The following XG variants were observed in gnomAD, a reference collection of about 807,000 sequenced individuals.
XG encodes the protein glycoprotein Xg.
In XG, 24 loss-of-function variants were observed where a neutral mutation model predicts 25.7. That is an observed-to-expected ratio of 0.93 (90% confidence interval 0.68 to 1.31). XG has a LOEUF of 1.31. XG is among the 40% of genes most tolerant of loss of function. The pLI, the probability that XG is intolerant of heterozygous loss-of-function variation, is 0.00. For synonymous variants in XG, 77 were observed against 69.2 expected (o/e 1.11, Z -0.56); for missense variants, 181 against 187.6 (o/e 0.96, Z 0.21).
intron 4 of XG, among the ~76,000 whole-genome samples, chrX:2,785,342 T>A (rs920032988): frequency 8.9e-6 from 1 of 111,922 alleles, no homozygotes; most frequent in African/African-American, 3.3e-5. Context: ...CCTGTGAAGA[T>A]GAGCTGTTGG....
intron 1 of XG, among the ~76,000 whole-genome samples, chrX:2,760,043 C>T (rs1359246037): frequency 1.3e-5 from 2 of 151,936 alleles, no homozygotes; most frequent in Non-Finnish European, 2.9e-5. Flanking sequence ...CCCAGCTACT[C>T]GGGAGGCTGA....
chrX:2,792,690 G>A (rs1339569076), intron 5 of XG, among the ~76,000 whole-genome samples: 1 of 107,673 alleles, frequency 9.3e-6, no homozygotes, highest in African/African-American at 3.4e-5. Flanking sequence ...GTGAGCCACT[G>A]AGCCCAGCCC....
intron 1 of XG, among the ~76,000 whole-genome samples, chrX:2,760,286 T>C (rs941250242): frequency 1.3e-5 from 2 of 152,174 alleles, no homozygotes; most frequent in African/African-American, 4.8e-5. Flanking sequence ...TTATCTCCAC[T>C]GAACCAGGCT....
intron 1 of XG, among the ~76,000 whole-genome samples, chrX:2,760,203 T>A (rs2050532877): frequency 6.6e-6 from 1 of 150,432 alleles, no homozygotes; most frequent in African/African-American, 2.4e-5. Context: ...TAAGGAAGAG[T>A]ATTATTGAGA....
At chrX:2,759,556 C>T (rs1002092718) in intron 1 of XG, among the ~76,000 whole-genome samples, 1 of 152,168 alleles carries the variant, frequency 6.6e-6, no homozygotes, top group Non-Finnish European at 1.5e-5. Context: ...CTGAGCATTC[C>T]ATAGTTTCCT....
chrX:2,776,762 G>T (rs1039233770), intron 3 of XG, among the ~76,000 whole-genome samples: 15 of 152,096 alleles, frequency 9.9e-5, no homozygotes, highest in African/African-American at 3.4e-4. Context: ...GCAGGAGAAT[G>T]GCGTGAACCC....
rs187420157 is a variant in XG at position 2,782,735 on chromosome X, T to C, written c.190+607T>C. Among the ~76,000 whole-genome samples, 45 of 111,617 alleles carry C rather than the reference T, an allele frequency of 4.0e-4. No individual in the cohort carries two copies. The East Asian group carries it at 0.012, about 31-fold the overall frequency. ...ATATCTCAAGCACCGATCTTAGGTT[T>C]TACAATAGTGATGTTACCCCCAGGA... On this transcript the variant is annotated intron_variant, in intron 4 of 10. Transcript: ENST00000644266.
intron 1 of XG, among the ~76,000 whole-genome samples, chrX:2,761,929 G>A (rs1221053622): frequency 6.6e-6 from 1 of 152,196 alleles, no homozygotes; most frequent in Non-Finnish European, 1.5e-5. Flanking sequence ...ACTCTGGGAA[G>A]CCATTACCAA....
intron 10 of XG, among the ~76,000 whole-genome samples, chrX:2,813,549 C>T (rs2087077059): frequency 8.9e-6 from 1 of 112,107 alleles, no homozygotes; most frequent in African/African-American, 3.2e-5. Context: ...GTATACTAAC[C>T]ATATCCATGG....
chrX:2,786,561 C>T (rs764015412), intron 4 of XG, among the ~76,000 whole-genome samples: 30 of 110,257 alleles, frequency 2.7e-4, no homozygotes, highest in Non-Finnish European at 5.1e-4. Context: ...AGCCACTGTG[C>T]CTGTCCTCAT....
chrX:2,791,167 A>C (rs2086834555), intron 5 of XG, among the ~76,000 whole-genome samples: 1 of 110,471 alleles, frequency 9.1e-6, no homozygotes, highest in Non-Finnish European at 1.9e-5. Flanking sequence ...CCGCCTTGGC[A>C]ATTGTGTCTC....
intron 3 of XG, among the ~76,000 whole-genome samples, chrX:2,776,675 C>A (rs1284069133): frequency 6.6e-6 from 1 of 152,070 alleles, no homozygotes; most frequent in Non-Finnish European, 1.5e-5. Flanking sequence ...GAAACCCCGT[C>A]TCTACTAAAA....
chrX:2,776,497 C>T (rs1377788188), intron 3 of XG, among the ~76,000 whole-genome samples: 1 of 151,792 alleles, frequency 6.6e-6, no homozygotes, highest in African/African-American at 2.4e-5. Flanking sequence ...TCAGCCTGCA[C>T]GAGTTCAGTC....
chrX:2,786,015 G>A (rs1030623794), intron 4 of XG, among the ~76,000 whole-genome samples: 2 of 110,368 alleles, frequency 1.8e-5, no homozygotes, highest in African/African-American at 6.6e-5. Flanking sequence ...AGCTTTCTCC[G>A]GATGGCTCCA....
intron 9 of XG, chrX:2,808,458 A>G (rs2087025010): frequency 2.1e-6 from 2 of 948,096 alleles, no homozygotes; most frequent in Non-Finnish European, 2.8e-6. Flanking sequence ...GATGCCCCTT[A>G]GCTCTCAAAG....
intron 8 of XG, among the ~76,000 whole-genome samples, chrX:2,807,326 G>A (rs1225286728): frequency 2.6e-5 from 3 of 113,286 alleles, no homozygotes; most frequent in Non-Finnish European, 5.6e-5. Flanking sequence ...ATAGATGCAG[G>A]AGTGTGCATC....
At chrX:2,760,521 G>T (rs971698044) in intron 1 of XG, among the ~76,000 whole-genome samples, 27 of 150,468 alleles carry the variant, frequency 1.8e-4, no homozygotes, top group African/African-American at 6.6e-4. Context: ...AGATCATGAG[G>T]TCAGGAGATG....
intron 3 of XG, among the ~76,000 whole-genome samples, chrX:2,776,951 C>A (rs1477205673): frequency 2.6e-5 from 4 of 152,198 alleles, no homozygotes; most frequent in Non-Finnish European, 5.9e-5. Flanking sequence ...ATAGGTTGTT[C>A]AGGAAATGTT....
At chrX:2,752,430 G>C in intron 1 of XG, 95 bp downstream of exon 1, 1 of 1,544,814 alleles carries the variant, frequency 6.5e-7, no homozygotes. Flanking sequence ...GCTATGAAGT[G>C]AATGGGGATA....
Sources: allele counts gnomAD v4.1 joint callset (sites outside exome capture counted in the v4.1 genomes callset), GRCh38; gene constraint gnomAD v4.1.1; transcripts MANE v1.5; gene names NCBI Gene and HGNC (gene_info 2026-07-23, HGNC 2026-07-21).